The following CNTNAP2 variants were observed in gnomAD, a reference collection of about 807,000 sequenced individuals.
The protein encoded by CNTNAP2 is contactin associated protein 2.
A neutral mutation model predicts 155.2 loss-of-function variants in CNTNAP2; 98 were observed. That is an observed-to-expected ratio of 0.63 (90% CI 0.54 to 0.75). CNTNAP2 has a LOEUF of 0.75. Ranked by LOEUF, CNTNAP2 falls within the 30% of genes least tolerant of loss-of-function variation. CNTNAP2 has a pLI of 0.00. For synonymous variants in CNTNAP2, 651 were observed against 631.2 expected (o/e 1.03, Z -0.47); for missense variants, 1,727 against 1,688.1 (o/e 1.02, Z -0.40).
At chr7:147,377,128 CCTT>C (rs1796448200) in intron 9 of CNTNAP2, among the ~76,000 whole-genome samples, 1 of 144,422 alleles carries the variant, frequency 6.9e-6, no homozygotes, top group Non-Finnish European at 1.5e-5. Flanking sequence ...TTCCTTTATT[CCTT>C]CTTCTCCCCC....
At chr7:147,454,970 T>C (rs1430120155) in intron 10 of CNTNAP2, among the ~76,000 whole-genome samples, 1 of 152,108 alleles carries the variant, frequency 6.6e-6, no homozygotes, top group African/African-American at 2.4e-5. Context: ...TAATCTTACT[T>C]TTGGTGTGTA....
At chr7:147,790,150 T>C (rs571154876) in intron 13 of CNTNAP2, among the ~76,000 whole-genome samples, 1 of 152,294 alleles carries the variant, frequency 6.6e-6, no homozygotes, top group South Asian at 2.1e-4. Context: ...CTGTTTATCA[T>C]TCAGCTTCCC....
intron 1 of CNTNAP2, among the ~76,000 whole-genome samples, chr7:146,707,066 T>C (rs1273669868): frequency 6.6e-6 from 1 of 152,196 alleles, no homozygotes; most frequent in Admixed American, 6.6e-5. Flanking sequence ...GCAATTCGAA[T>C]GTATTTACAT....
chr7:146,895,637 G>A (rs1035030512), intron 3 of CNTNAP2, among the ~76,000 whole-genome samples: 4 of 152,020 alleles, frequency 2.6e-5, no homozygotes, highest in East Asian at 1.9e-4. Flanking sequence ...ATATAATCAC[G>A]TGGAAATACA....
chr7:146,969,293 T>G (rs1033259029), intron 3 of CNTNAP2, among the ~76,000 whole-genome samples: 26 of 152,252 alleles, frequency 1.7e-4, no homozygotes, highest in African/African-American at 5.8e-4. Flanking sequence ...TTCTGTTGAT[T>G]TGGGGTGGAG....
In CNTNAP2 at chr7:147,366,803, ACACACACACC is replaced by A. The variant is rs200531742; in HGVS notation, c.1499-28804_1499-28795del. Among the ~76,000 whole-genome samples, 67 of 143,132 alleles carry A rather than the reference ACACACACACC, an allele frequency of 4.7e-4. 1 individual carries two copies. The highest frequency in any genetic ancestry group is 7.7e-4 in the Admixed American group (11 of 14,360). The allele number at this position is 143,132 out of a possible 152,430, so 93.9% of individuals were successfully genotyped here. A position where few individuals can be genotyped will look rare whatever the true frequency, so the allele number is the denominator to read the frequency against. The stretch of plus-strand genomic sequence containing the variant: ...CACGCACACACACACACACACACAC[ACACACACACC>A]CCAATGTTTATTAGTGATTTCTAAT... On this transcript the variant is annotated intron_variant, in intron 9 of 23. Coordinates refer to ENST00000361727, the MANE Select transcript of CNTNAP2 (RefSeq NM_014141.6).
intron 1 of CNTNAP2, among the ~76,000 whole-genome samples, chr7:146,458,414 C>T (rs1464693205): frequency 6.6e-6 from 1 of 152,022 alleles, no homozygotes; most frequent in Admixed American, 6.6e-5. Flanking sequence ...AATACGAAAA[C>T]CACGCAGGAA....
intron 20 of CNTNAP2, among the ~76,000 whole-genome samples, chr7:148,238,628 C>G (rs1055062905): frequency 2.0e-5 from 3 of 152,120 alleles, no homozygotes; most frequent in African/African-American, 7.2e-5. Context: ...GGTCATAAAA[C>G]CCTAATTTTT....
chr7:147,594,713 C>A (rs1317412557), intron 12 of CNTNAP2, among the ~76,000 whole-genome samples: 2 of 152,030 alleles, frequency 1.3e-5, no homozygotes, highest in African/African-American at 4.8e-5. Context: ...AAACTCTAAG[C>A]AAGATAGCAG....
At chr7:146,224,871 T>C (rs947851334) in intron 1 of CNTNAP2, among the ~76,000 whole-genome samples, 2 of 152,166 alleles carry the variant, frequency 1.3e-5, no homozygotes, top group African/African-American at 2.4e-5. Context: ...TGTGAAATAA[T>C]TTACCAAGTT....
intron 13 of CNTNAP2, among the ~76,000 whole-genome samples, chr7:147,695,217 A>C (rs904979747): frequency 6.6e-6 from 1 of 152,080 alleles, no homozygotes; most frequent in South Asian, 2.1e-4. Flanking sequence ...ACACTGTATG[A>C]TTTGTATTCT....
intron 1 of CNTNAP2, among the ~76,000 whole-genome samples, chr7:146,122,294 G>C (rs771229881): frequency 3.5e-4 from 54 of 152,216 alleles, no homozygotes; most frequent in Non-Finnish European, 7.1e-4. Context: ...GAGCCTTATG[G>C]TGTTCGGTTC....
intron 17 of CNTNAP2, among the ~76,000 whole-genome samples, chr7:148,164,688 T>A (rs1165006142): frequency 1.3e-5 from 2 of 148,740 alleles, no homozygotes; most frequent in Non-Finnish European, 3.0e-5. Flanking sequence ...GGGCACAGTC[T>A]TGGCTCATTG....
At chr7:147,073,294 T>A (rs1799933308) in intron 4 of CNTNAP2, among the ~76,000 whole-genome samples, 3 of 137,572 alleles carry the variant, frequency 2.2e-5, no homozygotes, top group African/African-American at 5.6e-5. Context: ...TCATCCTTAG[T>A]AAACTAATGC....
intron 13 of CNTNAP2, among the ~76,000 whole-genome samples, chr7:147,745,769 G>A (rs931763679): frequency 7.2e-5 from 11 of 152,178 alleles, no homozygotes; most frequent in Non-Finnish European, 1.3e-4. Context: ...TAACGTAAAG[G>A]AGGTCAGGGG....
At chr7:147,058,207 T>G (rs890312216) in intron 4 of CNTNAP2, among the ~76,000 whole-genome samples, 1 of 152,216 alleles carries the variant, frequency 6.6e-6, no homozygotes, top group African/African-American at 2.4e-5. Context: ...AATTTAAGTT[T>G]GGGATCAAGA....
chr7:147,928,338 C>T (rs540174867), intron 14 of CNTNAP2, among the ~76,000 whole-genome samples: 4 of 152,122 alleles, frequency 2.6e-5, no homozygotes, highest in South Asian at 4.2e-4. Context: ...AACAGCAGGG[C>T]GAGGATGAGA....
intron 1 of CNTNAP2, among the ~76,000 whole-genome samples, chr7:146,203,287 T>C (rs2116871179): frequency 6.6e-6 from 1 of 152,302 alleles, no homozygotes; most frequent in Non-Finnish European, 1.5e-5. Context: ...ACTTCAGAAG[T>C]CAACAGAAAG....
intron 1 of CNTNAP2, among the ~76,000 whole-genome samples, chr7:146,410,481 T>C (rs1340271420): frequency 1.3e-5 from 2 of 152,202 alleles, no homozygotes; most frequent in Non-Finnish European, 2.9e-5. Context: ...TAAGGGGCAC[T>C]TTATCTATAG....
Sources: gnomAD v4.1 joint callset for allele counts (sites outside exome capture counted in the v4.1 genomes callset) on GRCh38, gnomAD v4.1.1 for gene constraint, MANE v1.5 for transcripts, NCBI Gene and HGNC (gene_info 2026-07-23, HGNC 2026-07-21) for gene names.